BLM: variants seen among roughly 807,000 people sequenced by gnomAD.
The protein encoded by BLM is recQ-like DNA helicase BLM.
In BLM, 95 loss-of-function variants were observed where a neutral mutation model predicts 135.3. The ratio of observed to expected loss-of-function variants is 0.70; its 90% CI spans 0.59 to 0.83. The LOEUF (loss-of-function observed/expected upper bound fraction) is 0.83, where lower values mean the gene tolerates loss of function less well. Among genes scored for constraint, BLM ranks in the 40% least tolerant of loss-of-function variants. The probability of loss-of-function intolerance (pLI) is 0.00; values close to 1 mark genes in which losing one functional copy is unlikely to be tolerated. For missense variants in BLM, 1,518 were observed against 1,663.9 expected, an observed-to-expected ratio of 0.91 and a Z score of 1.53; for synonymous variants, 520 against 589.2, an observed-to-expected ratio of 0.88 and a Z score of 1.70.
intron 8 of BLM, among the ~76,000 whole-genome samples, chr15:90,763,376 C>T (rs898586794): frequency 6.6e-6 from 1 of 152,154 alleles, no homozygotes; most frequent in African/African-American, 2.4e-5. Context: ...ACTCGAAGCT[C>T]ATTGTGTTGA....
At chr15:90,761,646 T>A (rs1350484022) in intron 7 of BLM, among the ~76,000 whole-genome samples, 1 of 152,186 alleles carries the variant, frequency 6.6e-6, no homozygotes, top group Non-Finnish European at 1.5e-5. Context: ...TGAGAATCGA[T>A]TAATACAAAG....
intron 14 of BLM, among the ~76,000 whole-genome samples, chr15:90,788,471 G>GTTTTTT (rs35158343): frequency 2.3e-3 from 220 of 94,888 alleles, no homozygotes; most frequent in Non-Finnish European, 3.1e-3. Context: ...CCAGTGTTTT[G>GTTTTTT]TTTTTTTTTT....
intron 16 of BLM, among the ~76,000 whole-genome samples, chr15:90,797,378 C>T (rs915548580): frequency 1.5e-4 from 21 of 142,658 alleles, no homozygotes; most frequent in Admixed American, 4.3e-4. Flanking sequence ...ATTGCGCCAT[C>T]GCACTCCAGC....
At chr15:90,752,081 CA>C (rs140864968) in intron 4 of BLM, 135 bp downstream of exon 4, 110 of 784,114 alleles carry the variant, frequency 1.4e-4, no homozygotes, top group Non-Finnish European at 1.6e-4. Flanking sequence ...GTGAAAGCCT[CA>C]AAAAAAAACC....
chr15:90,776,687 A>G (rs1048571407), intron 12 of BLM, among the ~76,000 whole-genome samples: 2 of 151,670 alleles, frequency 1.3e-5, no homozygotes, highest in African/African-American at 2.4e-5. Context: ...ATGCCTGGCT[A>G]ATTTTTATGT....
At chr15:90,780,730 G>A (rs950911141) in intron 12 of BLM, among the ~76,000 whole-genome samples, 10 of 152,224 alleles carry the variant, frequency 6.6e-5, no homozygotes, top group African/African-American at 2.4e-4. Context: ...GAAGTGATGT[G>A]TAGGCATACT....
At chr15:90,814,933 C>T (rs568953795) in intron 21 of BLM, among the ~76,000 whole-genome samples, 169 bp from the exon 22 acceptor site, 105 of 152,178 alleles carry the variant, frequency 6.9e-4, no homozygotes, top group Non-Finnish European at 6.5e-4. Context: ...TCCTTTATTC[C>T]ATAAGTAGTA....
chr15:90,718,966 G>A (rs181710829), intron 1 of BLM, among the ~76,000 whole-genome samples: 1 of 152,228 alleles, frequency 6.6e-6, no homozygotes, highest in East Asian at 1.9e-4. Flanking sequence ...CTTTTTCATA[G>A]TCATTCCTGG....
chr15:90,752,587 T>C (rs1895717105), intron 4 of BLM, among the ~76,000 whole-genome samples: 1 of 152,194 alleles, frequency 6.6e-6, no homozygotes, highest in African/African-American at 2.4e-5. Context: ...AATTAGGACA[T>C]TAGTACTTTT....
At chr15:90,799,788 A>G (rs1412840167) in intron 17 of BLM, among the ~76,000 whole-genome samples, 1 of 152,178 alleles carries the variant, frequency 6.6e-6, no homozygotes, top group Non-Finnish European at 1.5e-5. Flanking sequence ...TAGCAAGGGA[A>G]AAGACAGATT....
At chr15:90,740,797 G>A (rs1895344104) in intron 1 of BLM, among the ~76,000 whole-genome samples, 2 of 152,162 alleles carry the variant, frequency 1.3e-5, no homozygotes, top group Admixed American at 1.3e-4. Context: ...ATAAAAGGCA[G>A]TTCCCCTGCA....
At chr15:90,718,590 A>C (rs776800640) in intron 1 of BLM, among the ~76,000 whole-genome samples, 3 of 152,240 alleles carry the variant, frequency 2.0e-5, no homozygotes, top group Non-Finnish European at 4.4e-5. Context: ...AATTAAATCA[A>C]CATTTTGTTA....
chr15:90,770,051 T>C (rs912462353), intron 12 of BLM, among the ~76,000 whole-genome samples: 4 of 152,018 alleles, frequency 2.6e-5, no homozygotes, highest in South Asian at 4.1e-4. Flanking sequence ...ATGTTGAAAA[T>C]AGTCCAGATA....
At chr15:90,756,289 G>C (rs1399994871) in intron 5 of BLM, among the ~76,000 whole-genome samples, 1 of 152,052 alleles carries the variant, frequency 6.6e-6, no homozygotes, top group Non-Finnish European at 1.5e-5. Context: ...ATTTCTAATA[G>C]AGACAGGGTT....
Position 90,771,173 on chromosome 15 carries a change from C to T in BLM, c.2555+1587C>T, listed in dbSNP as rs140513061. On this transcript the variant is annotated intron_variant, in intron 12 of 21. Coordinates refer to ENST00000355112, the MANE Select transcript of BLM (RefSeq NM_000057.4). ...ATATTTTGCGTCTATAATTGATATG[C>T]ATTATAATGCTATATTTAAGATGTC... Among the ~76,000 whole-genome samples, 86 of 152,220 alleles carry T rather than the reference C, an allele frequency of 5.6e-4. No homozygotes were observed. In the East Asian group the frequency reaches 7.1e-3, roughly 13 times the overall value.
chr15:90,721,287 A>T (rs767370934), intron 1 of BLM, among the ~76,000 whole-genome samples: 7 of 151,932 alleles, frequency 4.6e-5, no homozygotes, highest in Admixed American at 4.6e-4. Context: ...ATGTGTTTTT[A>T]ATATTAATCA....
At chr15:90,719,220 T>C (rs1166869704) in intron 1 of BLM, among the ~76,000 whole-genome samples, 1 of 152,136 alleles carries the variant, frequency 6.6e-6, no homozygotes, top group East Asian at 1.9e-4. Context: ...CTCGATCTCC[T>C]GACCTCGTGA....
In BLM at chr15:90,768,829, G is replaced by A. The variant is rs181196827; in HGVS notation, c.2308-304G>A. ...CAACCTCCACCTCCCGAGTTCAAGC[G>A]ATTCTCCTGCCTCAGCCTTCCTGAG... On this transcript the variant is annotated intron_variant, in intron 10 of 21. Coordinates refer to ENST00000355112, the MANE Select transcript of BLM (RefSeq NM_000057.4). Among the ~76,000 whole-genome samples the A allele has an allele frequency of 8.9e-4, 136 of 152,224 alleles. 2 individuals are homozygous for A. The East Asian group carries it at 0.023, about 25-fold the overall frequency.
intron 21 of BLM, among the ~76,000 whole-genome samples, chr15:90,814,422 T>C (rs1380043376): frequency 1.3e-5 from 2 of 152,218 alleles, no homozygotes; most frequent in Non-Finnish European, 2.9e-5. Context: ...CTGGAAGGAC[T>C]TGGTAATCGG....
Sources: gnomAD v4.1 joint callset for allele counts (sites outside exome capture counted in the v4.1 genomes callset) on GRCh38, gnomAD v4.1.1 for gene constraint, MANE v1.5 for transcripts, NCBI Gene and HGNC (gene_info 2026-07-23, HGNC 2026-07-21) for gene names.